The following GRIP1 variants were observed in gnomAD, a reference collection of about 807,000 sequenced individuals.
GRIP1 encodes glutamate receptor interacting protein 1.
GRIP1 carries 45 observed loss-of-function variants against 129.9 expected under a neutral mutation model. The ratio of observed to expected loss-of-function variants is 0.35; its 90% CI spans 0.27 to 0.44. GRIP1 has a LOEUF of 0.44. Among genes scored for constraint, GRIP1 ranks in the 20% least tolerant of loss-of-function variants. The probability of loss-of-function intolerance (pLI) is 1.00; values close to 1 mark genes in which losing one functional copy is unlikely to be tolerated. For missense variants in GRIP1, 1,196 were observed against 1,396.8 expected (o/e 0.86, Z 2.29); for synonymous variants, 530 against 520.8 (o/e 1.02, Z -0.24).
At chr12:66,383,299 A>C (rs371683927) in intron 19 of GRIP1, among the ~76,000 whole-genome samples, 11 of 141,316 alleles carry the variant, frequency 7.8e-5, no homozygotes, top group African/African-American at 2.6e-4. Context: ...TCTGTCTCAA[A>C]AACAACAACA....
intron 7 of GRIP1, among the ~76,000 whole-genome samples, chr12:66,475,148 T>C (rs889703895): frequency 2.0e-5 from 3 of 151,466 alleles, no homozygotes; most frequent in Admixed American, 6.6e-5. Context: ...ACCAAGCAAA[T>C]GGAAAACAAA....
At chr12:66,934,687 T>C (rs1177023797) in intron 1 of GRIP1, among the ~76,000 whole-genome samples, 1 of 152,258 alleles carries the variant, frequency 6.6e-6, no homozygotes, top group Non-Finnish European at 1.5e-5. Flanking sequence ...TTTAACTCTC[T>C]GTGCAATGTT....
intron 7 of GRIP1, among the ~76,000 whole-genome samples, chr12:66,501,081 G>A (rs1017286160): frequency 6.6e-6 from 1 of 152,178 alleles, no homozygotes; most frequent in Non-Finnish European, 1.5e-5. Context: ...AGGGGACTCA[G>A]TGGGTGTTAC....
intron 1 of GRIP1, among the ~76,000 whole-genome samples, chr12:66,902,808 GA>G (rs1273433930): frequency 2.6e-5 from 4 of 152,262 alleles, no homozygotes; most frequent in Admixed American, 2.0e-4. Flanking sequence ...GAAATATAAA[GA>G]CCCTTAAATG....
At chr12:66,849,058 C>T (rs1237586845) in intron 1 of GRIP1, among the ~76,000 whole-genome samples, 1 of 152,134 alleles carries the variant, frequency 6.6e-6, no homozygotes, top group Non-Finnish European at 1.5e-5. Flanking sequence ...CCTCCTAAAG[C>T]ACAGTTCTGT....
Position 66,824,922 on chromosome 12 carries a change from G to T in GRIP1, c.59-227995C>A, listed in dbSNP as rs548087452. Among the ~76,000 whole-genome samples, 32 of 152,118 alleles carry T rather than the reference G, an allele frequency of 2.1e-4. No individual in the cohort carries two copies. In the South Asian group the frequency reaches 6.4e-3, roughly 31 times the overall value. ...CTTTCATTAGCTTAGTCTAAAAGAG[G>T]CCATTTTGGTAAAAGTTTCCAAGAG... On this transcript the variant is annotated intron_variant, in intron 1 of 1. Coordinates refer to the GRIP1 transcript ENST00000643019.
Position 66,839,969 on chromosome 12 carries a change from G to A in GRIP1, c.58+229081C>T, listed in dbSNP as rs540056623. On this transcript the variant is annotated intron_variant, in intron 1 of 1. Transcript: ENST00000643019. ...TATAGGTAGCCATTATAATCAATAA[G>A]GTTGCAAATTCAATAATTTAATCCT... 1.1e-4 allele frequency among the ~76,000 whole-genome samples: 16 copies of A among 152,204 alleles called. 2 individuals are homozygous for A. In the South Asian group the frequency reaches 3.3e-3, roughly 32 times the overall value.
At chr12:66,781,716 G>A (rs1249519584) in intron 1 of GRIP1, among the ~76,000 whole-genome samples, 1 of 152,206 alleles carries the variant, frequency 6.6e-6, no homozygotes, top group East Asian at 1.9e-4. Flanking sequence ...AAGCATCACT[G>A]AGGTAGAAGA....
At chr12:66,686,222 C>G (rs143102087) in intron 1 of GRIP1, among the ~76,000 whole-genome samples, 2,310 of 152,248 alleles carry the variant, frequency 0.015, 31 homozygotes, top group Non-Finnish European at 0.022. Flanking sequence ...GTGCTTCTGA[C>G]AAGATCATAA....
intron 1 of GRIP1, among the ~76,000 whole-genome samples, chr12:66,998,485 G>T (rs182667437): frequency 4.0e-5 from 6 of 151,698 alleles, no homozygotes; most frequent in Admixed American, 2.6e-4. Context: ...TTAAATTCAC[G>T]ACCACAAATC....
At chr12:66,490,340 C>T (rs983730869) in intron 7 of GRIP1, among the ~76,000 whole-genome samples, 1 of 152,152 alleles carries the variant, frequency 6.6e-6, no homozygotes. Context: ...CTACAACCAA[C>T]TGATTTTCAA....
chr12:66,751,613 G>A (rs537259142), intron 1 of GRIP1, among the ~76,000 whole-genome samples: 57 of 152,304 alleles, frequency 3.7e-4, no homozygotes, highest in Admixed American at 1.9e-3. Context: ...CTCAAGGGCA[G>A]GAGTTAGGTC....
chr12:66,749,403 C>A (rs1325702496), intron 1 of GRIP1, among the ~76,000 whole-genome samples: 2 of 152,176 alleles, frequency 1.3e-5, no homozygotes, highest in African/African-American at 2.4e-5. Flanking sequence ...CTTGCCTTTT[C>A]TCAGCTGTGT....
intron 1 of GRIP1, among the ~76,000 whole-genome samples, chr12:66,831,995 C>T (rs2039527738): frequency 6.6e-6 from 1 of 152,114 alleles, no homozygotes; most frequent in Non-Finnish European, 1.5e-5. Flanking sequence ...TCATTCTGCA[C>T]TACCTCATGT....
chr12:66,475,151 A>T (rs1414271953), intron 7 of GRIP1, among the ~76,000 whole-genome samples: 2 of 152,198 alleles, frequency 1.3e-5, no homozygotes, highest in African/African-American at 4.8e-5. Flanking sequence ...AAGCAAATGG[A>T]AAACAAAAAA....
chr12:66,620,678 T>TTTCTTTTTC (rs2065230620), intron 1 of GRIP1, among the ~76,000 whole-genome samples: 1 of 152,038 alleles, frequency 6.6e-6, no homozygotes, highest in Non-Finnish European at 1.5e-5. Flanking sequence ...TTTTCTTTTT[T>TTTCTTTTTC]TTCTTTTTCT....
chr12:66,366,740 C>T (rs927232053), intron 23 of GRIP1, among the ~76,000 whole-genome samples: 1 of 152,188 alleles, frequency 6.6e-6, no homozygotes, highest in Non-Finnish European at 1.5e-5. Context: ...CTTGAGTGCA[C>T]TGGCTCAATC....
chr12:67,018,114 C>G (rs1025159199), intron 1 of GRIP1, among the ~76,000 whole-genome samples: 2 of 152,124 alleles, frequency 1.3e-5, no homozygotes, highest in Non-Finnish European at 2.9e-5. Context: ...TAGGAAAGCC[C>G]TGGCTCCCTG....
At chr12:66,353,903 C>G (rs1014422959) in intron 23 of GRIP1, among the ~76,000 whole-genome samples, 2 of 152,166 alleles carry the variant, frequency 1.3e-5, no homozygotes, top group African/African-American at 4.8e-5. Context: ...GTCAGAGGAG[C>G]TGCCCGCAGC....
Sources: gnomAD v4.1 joint callset for allele counts (sites outside exome capture counted in the v4.1 genomes callset) on GRCh38, gnomAD v4.1.1 for gene constraint, MANE v1.5 for transcripts, NCBI Gene and HGNC (gene_info 2026-07-23, HGNC 2026-07-21) for gene names.